Variants in MBD5 observed in about 807,000 individuals in gnomAD.
MBD5 encodes methyl-CpG-binding domain protein 5.
A neutral mutation model predicts 117.3 loss-of-function variants in MBD5; 13 were observed. That is an observed-to-expected ratio of 0.11 (90% CI 0.07 to 0.18). The LOEUF is 0.18. MBD5 is among the 10% of genes least tolerant of loss of function. The probability of loss-of-function intolerance (pLI) is 1.00; values close to 1 mark genes in which losing one functional copy is unlikely to be tolerated. For missense variants in MBD5, 1,879 were observed against 2,093.8 expected (o/e 0.90, Z 2.00); for synonymous variants, 727 against 766.4 (o/e 0.95, Z 0.85).
chr2:148,105,741 T>C (rs1380752833), intron 1 of MBD5, among the ~76,000 whole-genome samples: 1 of 152,168 alleles, frequency 6.6e-6, no homozygotes, highest in African/African-American at 2.4e-5. Flanking sequence ...TTTGTTTTTC[T>C]TATTAAACCT....
intron 3 of MBD5, among the ~76,000 whole-genome samples, chr2:148,294,501 G>GTT (rs58961481): frequency 8.8e-5 from 10 of 113,258 alleles, no homozygotes; most frequent in Non-Finnish European, 1.6e-4. Context: ...TGGGATTACA[G>GTT]TTTTTTTTTT....
intron 1 of MBD5, among the ~76,000 whole-genome samples, chr2:148,038,293 T>C (rs1694251786): frequency 6.6e-6 from 1 of 152,006 alleles, no homozygotes; most frequent in African/African-American, 2.4e-5. Context: ...TTCAGTTTCT[T>C]TTAGCATTTA....
intron 1 of MBD5, among the ~76,000 whole-genome samples, chr2:148,169,729 T>A (rs953211941): frequency 2.6e-5 from 4 of 152,182 alleles, no homozygotes; most frequent in Admixed American, 1.3e-4. Flanking sequence ...CACAGAGATC[T>A]TTAGATTCTT....
At chr2:148,131,439 A>AT (rs1446014512) in intron 1 of MBD5, among the ~76,000 whole-genome samples, 1 of 152,200 alleles carries the variant, frequency 6.6e-6, no homozygotes, top group East Asian at 1.9e-4. Flanking sequence ...CATGCCTGTA[A>AT]TCCTAGCACT....
chr2:148,038,661 T>C (rs961048258), intron 1 of MBD5, among the ~76,000 whole-genome samples: 1 of 151,878 alleles, frequency 6.6e-6, no homozygotes, highest in Non-Finnish European at 1.5e-5. Flanking sequence ...TATCTGATAA[T>C]AAAAGAGTTT....
chr2:148,396,320 C>A (rs1704713288), intron 4 of MBD5, among the ~76,000 whole-genome samples: 1 of 152,188 alleles, frequency 6.6e-6, no homozygotes, highest in Non-Finnish European at 1.5e-5. Context: ...AGAGCAATGG[C>A]AGCATGGTGA....
In MBD5 at chr2:148,469,212, A is replaced by G. The variant is rs746576866; in HGVS notation, c.1269A>G (p.Val423=). The change falls in exon 8 of 14, where the codon GTA becomes GTG. Residue 423 remains valine, a synonymous_variant. Transcript: ENST00000642680. ...KPGHMNHGSH[V]QRVQHSASTS... is the part of the protein sequence containing the mutation. ...GTCACATGAATCATGGGAGTCATGT[A>G]CAAAGAGTTCAGCATTCAGCTTCAA... The G allele has an allele frequency of 6.2e-7, 1 of 1,614,068 alleles. No homozygotes were observed.
intron 1 of MBD5, among the ~76,000 whole-genome samples, chr2:148,122,347 TGGTAGAAAA>T (rs2105412132): frequency 6.6e-6 from 1 of 152,266 alleles, no homozygotes; most frequent in African/African-American, 2.4e-5. Flanking sequence ...GGAAGTATTT[TGGTAGAAAA>T]GAGATTGCCT....
chr2:148,181,306 A>G (rs991049090), intron 2 of MBD5, among the ~76,000 whole-genome samples: 61 of 152,150 alleles, frequency 4.0e-4, no homozygotes, highest in African/African-American at 1.3e-3. Flanking sequence ...ATTGCTTTCA[A>G]TTTCCTTTTA....
chr2:148,396,977 A>G (rs1047080901), intron 4 of MBD5, among the ~76,000 whole-genome samples: 14 of 152,150 alleles, frequency 9.2e-5, no homozygotes, highest in African/African-American at 3.4e-4. Context: ...CATATAACAT[A>G]TGAGTTATAA....
At chr2:148,050,750 C>T (rs1694676024) in intron 1 of MBD5, among the ~76,000 whole-genome samples, 1 of 152,048 alleles carries the variant, frequency 6.6e-6, no homozygotes, top group Admixed American at 6.5e-5. Context: ...TCAGTAATAT[C>T]CTGTTGGTCT....
intron 12 of MBD5, among the ~76,000 whole-genome samples, chr2:148,506,333 T>C (rs773354610): frequency 1.3e-5 from 2 of 152,398 alleles, no homozygotes; most frequent in Admixed American, 6.5e-5. Flanking sequence ...TCTGTCTATA[T>C]GTACGTATAC....
At chr2:148,065,845 A>T (rs1664197052) in intron 1 of MBD5, among the ~76,000 whole-genome samples, 2 of 152,200 alleles carry the variant, frequency 1.3e-5, no homozygotes, top group Admixed American at 1.3e-4. Context: ...ATATATACAA[A>T]ACAAAGCTAA....
intron 1 of MBD5, among the ~76,000 whole-genome samples, chr2:148,165,571 T>G (rs982392594): frequency 1.6e-4 from 25 of 152,086 alleles, no homozygotes; most frequent in Non-Finnish European, 2.4e-4. Context: ...TATTTTATAT[T>G]TGATTTTTCT....
At chr2:148,285,157 C>A (rs1434951831) in intron 3 of MBD5, among the ~76,000 whole-genome samples, 1 of 152,210 alleles carries the variant, frequency 6.6e-6, no homozygotes, top group East Asian at 1.9e-4. Context: ...TATTTCAAAG[C>A]AGCTACTTTC....
rs565937416 is a variant in MBD5, at chr2:148,326,976, G to A, written c.-679-15238G>A. 1.8e-3 allele frequency among the ~76,000 whole-genome samples: 279 copies of A among 151,586 alleles called. 1 individual carries two copies. Among genetic ancestry groups the A allele is most frequent in the African/African-American group, 4.3e-3 (176 of 41,218 alleles). On this transcript the variant is annotated intron_variant, in intron 3 of 13. Transcript: ENST00000642680. ...GCATGATTTTGCAGCGGCTGGTACCGGTTGTTCCTTTCCATGTTTAGTGCT... is the reference window on the plus strand; with the variant it reads ...GCATGATTTTGCAGCGGCTGGTACCAGTTGTTCCTTTCCATGTTTAGTGCT...
At chr2:148,474,465 T>C (rs936627861) in intron 8 of MBD5, among the ~76,000 whole-genome samples, 16 of 152,144 alleles carry the variant, frequency 1.1e-4, no homozygotes, top group Non-Finnish European at 4.4e-5. Flanking sequence ...ATAAAGTCAC[T>C]AAGTCATTCA....
intron 1 of MBD5, among the ~76,000 whole-genome samples, chr2:148,127,737 G>C (rs1214054173): frequency 6.6e-6 from 1 of 151,990 alleles, no homozygotes; most frequent in African/African-American, 2.4e-5. Flanking sequence ...AATTCTTTTG[G>C]GTATATACCC....
At chr2:148,499,506 T>C (rs1369937481) in intron 11 of MBD5, among the ~76,000 whole-genome samples, 1 of 152,186 alleles carries the variant, frequency 6.6e-6, no homozygotes, top group Non-Finnish European at 1.5e-5. Flanking sequence ...AGCCCTCTCC[T>C]AAATTCTCAC....
Sources: gnomAD v4.1 joint callset for allele counts (sites outside exome capture counted in the v4.1 genomes callset) on GRCh38, gnomAD v4.1.1 for gene constraint, MANE v1.5 for transcripts, NCBI Gene and HGNC (gene_info 2026-07-23, HGNC 2026-07-21) for gene names.